The following GRXCR2 variants were observed in gnomAD, a reference collection of about 807,000 sequenced individuals.
The protein encoded by GRXCR2 is glutaredoxin domain-containing cysteine-rich protein 2.
In GRXCR2, 23 loss-of-function variants were observed where a neutral mutation model predicts 24.8. The ratio of observed to expected loss-of-function variants is 0.93; its 90% CI spans 0.67 to 1.32. The LOEUF (loss-of-function observed/expected upper bound fraction) is 1.32. Among genes scored for constraint, GRXCR2 ranks in the 40% most tolerant of loss-of-function variants. The pLI, the probability that GRXCR2 is intolerant of heterozygous loss-of-function variation, is 0.00. For synonymous variants in GRXCR2, 130 were observed against 116.1 expected, an observed-to-expected ratio of 1.12 and a Z score of -0.77; for missense variants, 315 against 303.4, an observed-to-expected ratio of 1.04 and a Z score of -0.28.
intron 2 of GRXCR2, among the ~76,000 whole-genome samples, chr5:145,923,314 A>G (rs562261487): frequency 6.6e-6 from 1 of 152,254 alleles, no homozygotes; most frequent in African/African-American, 2.4e-5. Flanking sequence ...TGCTAAGAGT[A>G]TTTTAGGGGG....
chr5:145,923,233 T>G (rs988909342), intron 2 of GRXCR2, among the ~76,000 whole-genome samples: 1 of 152,212 alleles, frequency 6.6e-6, no homozygotes. Context: ...ACTTGAGAAC[T>G]GTCTACTTTA....
intron 2 of GRXCR2, among the ~76,000 whole-genome samples, chr5:145,922,894 A>T (rs1014542710): frequency 6.6e-6 from 1 of 152,250 alleles, no homozygotes; most frequent in Non-Finnish European, 1.5e-5. Flanking sequence ...ATGTAAGGCC[A>T]GTGTAAGTAT....
chr5:145,873,958 C>A (rs562336576), upstream of GRXCR2, among the ~76,000 whole-genome samples: 2 of 152,228 alleles, frequency 1.3e-5, no homozygotes, highest in South Asian at 4.1e-4. Flanking sequence ...CTGCCCACAG[C>A]TGAATCCCAG....
chr5:145,866,396 A>T, intron 2 of GRXCR2, 105 bp downstream of exon 2: 2 of 687,850 alleles, frequency 2.9e-6, no homozygotes, highest in Non-Finnish European at 2.6e-6. Context: ...TATCTTAAGT[A>T]TTCATATTCA....
intron 2 of GRXCR2, among the ~76,000 whole-genome samples, chr5:145,927,685 A>C (rs1757419831): frequency 6.6e-6 from 1 of 152,094 alleles, no homozygotes; most frequent in African/African-American, 2.4e-5. Context: ...TTGGTCTAAA[A>C]TTCTCTTTTT....
Position 145,885,066 on chromosome 5 carries a change from T to C in GRXCR2, c.-69-18338A>G, listed in dbSNP as rs1432685984. Among the ~76,000 whole-genome samples the C allele has an allele frequency of 5.3e-5, 8 of 151,576 alleles. No individual in the cohort carries two copies. The South Asian group carries it at 1.7e-3, about 32-fold the overall frequency. ...AATTAAACATATCTTTTTAATCTGC[T>C]CATACATTATCATGCAGCATGTGTG... On this transcript the variant is annotated intron_variant, in intron 2 of 3. Coordinates refer to the GRXCR2 transcript ENST00000639411.
At chr5:145,927,619 G>C (rs1170959894) in intron 2 of GRXCR2, among the ~76,000 whole-genome samples, 2 of 152,174 alleles carry the variant, frequency 1.3e-5, no homozygotes, top group African/African-American at 4.8e-5. Flanking sequence ...TGTGCTGTTG[G>C]ATTCGGTTTG....
intron 2 of GRXCR2, among the ~76,000 whole-genome samples, chr5:145,910,147 G>T (rs1421772616): frequency 2.0e-5 from 3 of 152,166 alleles, no homozygotes; most frequent in Non-Finnish European, 4.4e-5. Context: ...TAATACCAGG[G>T]TTCCAGAGGG....
At chr5:145,885,097 C>CTGTGTGTGTGTGTG (rs59158357) in intron 2 of GRXCR2, among the ~76,000 whole-genome samples, 32 of 147,804 alleles carry the variant, frequency 2.2e-4, no homozygotes, top group African/African-American at 8.0e-4. Flanking sequence ...GTGTGTGTGT[C>CTGTGTGTGTGTGTG]TGTGTGTGTG....
At chr5:145,865,935 C>T (rs1191753215) in intron 2 of GRXCR2, among the ~76,000 whole-genome samples, 3 of 151,682 alleles carry the variant, frequency 2.0e-5, no homozygotes, top group African/African-American at 2.4e-5. Context: ...GACAGGAGTT[C>T]GGGACCAGCC....
intron 2 of GRXCR2, among the ~76,000 whole-genome samples, chr5:145,929,103 C>T (rs1344681166): frequency 6.7e-6 from 1 of 149,952 alleles, no homozygotes. Context: ...AACCTGAACT[C>T]ATATAACTTA....
At chr5:145,867,569 A>G (rs1561676611) in intron 1 of GRXCR2, among the ~76,000 whole-genome samples, 1 of 152,210 alleles carries the variant, frequency 6.6e-6, no homozygotes, top group Non-Finnish European at 1.5e-5. Context: ...TTGCTCAGGA[A>G]TAAACCTGGA....
At chr5:145,906,376 C>T (rs75967773) in intron 2 of GRXCR2, among the ~76,000 whole-genome samples, 1 of 152,036 alleles carries the variant, frequency 6.6e-6, no homozygotes, top group Non-Finnish European at 1.5e-5. Context: ...TGCTTATCTT[C>T]CCTCACTGGC....
chr5:145,927,391 G>A lies in GRXCR2; in HGVS notation c.-70+8310C>T, dbSNP rs182103454. Among the ~76,000 whole-genome samples the A allele has an allele frequency of 3.2e-3, 480 of 152,260 alleles. 5 individuals carry two copies. Among genetic ancestry groups the A allele is most frequent in the African/African-American group, 0.011 (458 of 41,540 alleles). On this transcript the variant is annotated intron_variant, in intron 2 of 3. Coordinates refer to the GRXCR2 transcript ENST00000639411. Reference sequence around the variant, plus strand: ...TGTCATAAATAGCTCTTATTATTTTGAGATATGTCCCATCAATAACTAATT... The same window carrying A: ...TGTCATAAATAGCTCTTATTATTTTAAGATATGTCCCATCAATAACTAATT...
At chr5:145,867,720 T>G (rs575887575) in intron 1 of GRXCR2, among the ~76,000 whole-genome samples, 2 of 152,330 alleles carry the variant, frequency 1.3e-5, no homozygotes, top group Admixed American at 1.3e-4. Flanking sequence ...TGCTGAGATA[T>G]TTAGTTGTGT....
At chr5:145,903,376 C>G (rs1325989694) in intron 2 of GRXCR2, among the ~76,000 whole-genome samples, 1 of 152,192 alleles carries the variant, frequency 6.6e-6, no homozygotes, top group Non-Finnish European at 1.5e-5. Flanking sequence ...TCTCTTCACT[C>G]TCTGGGGCCA....
intron 1 of GRXCR2, among the ~76,000 whole-genome samples, chr5:145,867,931 G>A (rs1036703895): frequency 2.6e-5 from 4 of 151,922 alleles, no homozygotes. Context: ...CTCCCTTCAG[G>A]GAGCCTCTAA....
At chr5:145,923,941 G>A (rs569331390) in intron 2 of GRXCR2, among the ~76,000 whole-genome samples, 140 of 152,162 alleles carry the variant, frequency 9.2e-4, no homozygotes, top group African/African-American at 3.2e-3. Flanking sequence ...CTTTGTGAGC[G>A]TTTCTCTTGA....
intron 1 of GRXCR2, among the ~76,000 whole-genome samples, chr5:145,871,871 C>A (rs1756536218): frequency 6.6e-6 from 1 of 152,132 alleles, no homozygotes; most frequent in Admixed American, 6.5e-5. Context: ...TTTAAGAAGT[C>A]ATTCATGGTC....
Sources: gnomAD v4.1 joint callset for allele counts (sites outside exome capture counted in the v4.1 genomes callset) on GRCh38, gnomAD v4.1.1 for gene constraint, MANE v1.5 for transcripts, NCBI Gene and HGNC (gene_info 2026-07-23, HGNC 2026-07-21) for gene names.